Variants in AXDND1 observed in about 807,000 individuals in gnomAD.
AXDND1 encodes axonemal dynein light chain domain containing 1.
A neutral mutation model predicts 137.5 loss-of-function variants in AXDND1; 110 were observed. The ratio of observed to expected loss-of-function variants is 0.80; its 90% confidence interval spans 0.69 to 0.94. AXDND1 has a LOEUF of 0.94. AXDND1 is among the 40% of genes least tolerant of loss of function. The pLI, the probability that AXDND1 is intolerant of heterozygous loss-of-function variation, is 0.00. For synonymous variants in AXDND1, 414 were observed against 399.7 expected (o/e 1.04, Z -0.43); for missense variants, 1,191 against 1,169.8 (o/e 1.02, Z -0.26).
intron 16 of AXDND1, among the ~76,000 whole-genome samples, chr1:179,465,924 G>A (rs181322824): frequency 9.4e-4 from 143 of 152,346 alleles, no homozygotes; most frequent in Non-Finnish European, 1.9e-3. Flanking sequence ...TCTGAGCCAG[G>A]CGCGGGATAT....
At chr1:179,496,947 G>C (rs575781631) in intron 20 of AXDND1, among the ~76,000 whole-genome samples, 1 of 151,700 alleles carries the variant, frequency 6.6e-6, no homozygotes, top group African/African-American at 2.4e-5. Flanking sequence ...TGCATTCTTC[G>C]TTCATCCATG....
intron 6 of AXDND1, 25 bp downstream of exon 6, chr1:179,379,507 T>C: frequency 1.3e-6 from 2 of 1,594,872 alleles, no homozygotes; most frequent in Non-Finnish European, 1.7e-6. Flanking sequence ...ATGTAAAAAA[T>C]ACCTGCCCCA....
chr1:179,401,258 CAAAAA>C (rs201354000), intron 11 of AXDND1, among the ~76,000 whole-genome samples: 2 of 83,680 alleles, frequency 2.4e-5, no homozygotes, highest in Non-Finnish European at 2.3e-5. Context: ...AACTCCATCT[CAAAAA>C]AAAAAAAAAA....
intron 16 of AXDND1, chr1:179,453,184 G>A (rs145078173): frequency 1.1e-4 from 17 of 152,390 alleles, no homozygotes; most frequent in African/African-American, 3.6e-4. Flanking sequence ...GGGCCCTCAT[G>A]GAAAACCTCT....
chr1:179,473,826 G>A (rs534456545), intron 17 of AXDND1, among the ~76,000 whole-genome samples: 80 of 152,270 alleles, frequency 5.3e-4, no homozygotes, highest in African/African-American at 1.9e-3. Flanking sequence ...GAAGGAACTT[G>A]CTTCTTTCTC....
At chr1:179,387,747 T>C (rs567897262) in intron 9 of AXDND1, among the ~76,000 whole-genome samples, 5 of 152,368 alleles carry the variant, frequency 3.3e-5, no homozygotes, top group Non-Finnish European at 7.3e-5. Flanking sequence ...AAAACTTTTC[T>C]GTGTACCATA....
chr1:179,376,351 T>C (rs1647261368), intron 4 of AXDND1, among the ~76,000 whole-genome samples: 2 of 152,172 alleles, frequency 1.3e-5, no homozygotes, highest in East Asian at 1.9e-4. Context: ...TGTATATATA[T>C]GGAAAGTTGG....
At chr1:179,369,901 T>C in intron 3 of AXDND1, 74 bp from the exon 4 acceptor site, 1 of 1,184,448 alleles carries the variant, frequency 8.4e-7, no homozygotes, top group Non-Finnish European at 1.2e-6. Context: ...CAGTACTTAC[T>C]CAAAACTATT....
chr1:179,395,270 A>G lies in AXDND1; in HGVS notation c.1109+68A>G, dbSNP rs952275805. 28 of 1,197,710 alleles carry G rather than the reference A, an allele frequency of 2.3e-5. No homozygotes were observed. The Admixed American group carries it at 5.9e-4, about 25-fold the overall frequency. The allele number at this position is 1,197,710 out of a possible 1,614,324, so 74.2% of individuals were successfully genotyped here. A position where few individuals can be genotyped will look rare whatever the true frequency, so the allele number is the denominator to read the frequency against. On this transcript the variant is annotated intron_variant, in intron 11 of 25. Transcript: ENST00000367618. ...AAGAAGCTTATATAGCTTCTGAAAT[A>G]ATATATATGATACTATAACTTCTTG... is the stretch of plus-strand genomic sequence containing the variant.
chr1:179,547,849 A>G (rs1012700016), intron 25 of AXDND1, among the ~76,000 whole-genome samples: 5 of 152,192 alleles, frequency 3.3e-5, no homozygotes, highest in African/African-American at 1.2e-4. Context: ...TTCACAAGGT[A>G]CTACTGGTAA....
At chr1:179,387,643 ATTAAG>A (rs1246433715) in intron 9 of AXDND1, among the ~76,000 whole-genome samples, 1 of 152,216 alleles carries the variant, frequency 6.6e-6, no homozygotes, top group East Asian at 1.9e-4. Context: ...TTGGGACACA[ATTAAG>A]TTATTTAAAA....
intron 17 of AXDND1, among the ~76,000 whole-genome samples, chr1:179,476,496 G>T (rs1664641086): frequency 6.6e-6 from 1 of 151,676 alleles, no homozygotes; most frequent in Non-Finnish European, 1.5e-5. Flanking sequence ...ATTGCTTTCA[G>T]CCTGAAAAAT....
At chr1:179,393,007 T>G (rs1215589846) in intron 9 of AXDND1, among the ~76,000 whole-genome samples, 1 of 152,248 alleles carries the variant, frequency 6.6e-6, no homozygotes, top group African/African-American at 2.4e-5. Context: ...TTGTTTTTGT[T>G]GCATTTGCTT....
intron 9 of AXDND1, among the ~76,000 whole-genome samples, chr1:179,390,644 T>C (rs1292476611): frequency 6.6e-6 from 1 of 150,980 alleles, no homozygotes; most frequent in Non-Finnish European, 1.5e-5. Context: ...AGTTTTTATT[T>C]TTGTTTTACG....
At chr1:179,466,827 C>G (rs1401638973) in intron 16 of AXDND1, among the ~76,000 whole-genome samples, 2 of 152,108 alleles carry the variant, frequency 1.3e-5, no homozygotes, top group African/African-American at 4.8e-5. Context: ...AAGGATTTTA[C>G]TTTTTATTCT....
At chr1:179,503,777 A>G (rs11589494) in intron 20 of AXDND1, among the ~76,000 whole-genome samples, 51,698 of 151,656 alleles carry the variant, frequency 0.34, 8,762 homozygotes, top group East Asian at 0.4. Flanking sequence ...TCATTGTTCA[A>G]TTCCCACCTA....
intron 18 of AXDND1, among the ~76,000 whole-genome samples, chr1:179,485,670 A>G (rs1204271899): frequency 1.3e-5 from 2 of 152,212 alleles, no homozygotes; most frequent in Admixed American, 6.5e-5. Context: ...ACTGTTCCCC[A>G]GCAATGTTTC....
At position 179,483,216 on chromosome 1, in the gene AXDND1, C is replaced by T. The variant is rs762052295; in HGVS notation, c.2086C>T (p.His696Tyr). 3.1e-6 allele frequency: 5 copies of T among 1,602,340 alleles called. No homozygotes were observed. The South Asian group carries it at 4.5e-5, about 14-fold the overall frequency. ...EINNGNIELQ[H>Y]HMDELHISMI... ...TAACAACGGTAACATTGAACTTCAG[C>T]ACCACGTATGTACTTGTAAGGGTTT... The change falls in exon 18 of 26, where the codon CAC becomes TAC. Residue 696 changes from histidine to tyrosine, a missense_variant. Coordinates refer to ENST00000367618, the MANE Select transcript of AXDND1 (RefSeq NM_144696.6).
At chr1:179,537,625 G>T (rs895892317) in intron 25 of AXDND1, among the ~76,000 whole-genome samples, 1 of 152,234 alleles carries the variant, frequency 6.6e-6, no homozygotes, top group Non-Finnish European at 1.5e-5. Flanking sequence ...TCTCATCAAT[G>T]TTCATCAGGG....
Sources: allele counts gnomAD v4.1 joint callset (sites outside exome capture counted in the v4.1 genomes callset), GRCh38; gene constraint gnomAD v4.1.1; transcripts MANE v1.5; gene names NCBI Gene and HGNC (gene_info 2026-07-23, HGNC 2026-07-21).